CADM2: variants seen among roughly 807,000 people sequenced by gnomAD.
The protein encoded by CADM2 is cell adhesion molecule 2.
Under a neutral mutation model 49.8 loss-of-function variants are expected in CADM2, and 12 were observed. The observed-to-expected ratio is 0.24, with a 90% confidence interval of 0.15 to 0.39. CADM2 has a LOEUF of 0.39. Among genes scored for constraint, CADM2 ranks in the 10% least tolerant of loss-of-function variants. The pLI, the probability that CADM2 is intolerant of heterozygous loss-of-function variation, is 1.00. For synonymous variants in CADM2, 214 were observed against 175.4 expected (o/e 1.22, Z -1.74); for missense variants, 378 against 492.3 (o/e 0.77, Z 2.20).
At chr3:85,531,488 G>A (rs116741838) in intron 1 of CADM2, among the ~76,000 whole-genome samples, 178 of 152,272 alleles carry the variant, frequency 1.2e-3, no homozygotes, top group African/African-American at 4.0e-3. Flanking sequence ...TTAAAAAAGT[G>A]TAAAATAATA....
chr3:85,295,784 G>C (rs1386393099), intron 1 of CADM2, among the ~76,000 whole-genome samples: 1 of 152,038 alleles, frequency 6.6e-6, no homozygotes, highest in Non-Finnish European at 1.5e-5. Context: ...TTGTGGGGTT[G>C]GGGGAGAGGG....
chr3:85,333,834 G>A (rs2045004342), intron 1 of CADM2, among the ~76,000 whole-genome samples: 1 of 151,626 alleles, frequency 6.6e-6, no homozygotes, highest in African/African-American at 2.4e-5. Flanking sequence ...ATAGTAATGT[G>A]TGACAAATAC....
intron 8 of CADM2, among the ~76,000 whole-genome samples, chr3:85,968,006 A>G (rs1207244967): frequency 4.0e-5 from 6 of 151,582 alleles, no homozygotes; most frequent in Non-Finnish European, 1.5e-5. Flanking sequence ...CATTTTTCTT[A>G]GAAGCATAGA....
At chr3:85,250,930 G>A (rs1409605378) in intron 1 of CADM2, among the ~76,000 whole-genome samples, 1 of 151,718 alleles carries the variant, frequency 6.6e-6, no homozygotes, top group Non-Finnish European at 1.5e-5. Flanking sequence ...GATGTATGGT[G>A]AGTTTCTTAT....
intron 1 of CADM2, among the ~76,000 whole-genome samples, chr3:85,299,885 G>A (rs2044052293): frequency 6.6e-6 from 1 of 152,038 alleles, no homozygotes; most frequent in Non-Finnish European, 1.5e-5. Context: ...GGTAAACCCT[G>A]AGGTAAAAGT....
rs369951346 is a variant in CADM2 at position 85,293,038 on chromosome 3, G to A, written c.61+333370G>A. The stretch of plus-strand genomic sequence containing the variant: ...AAAGGATCAACAAAATTGATAGACC[G>A]CTAGCAAGACTAAGAGAAAAAAAGA... On this transcript the variant is annotated intron_variant, in intron 1 of 9. Coordinates refer to ENST00000383699, the MANE Select transcript of CADM2 (RefSeq NM_001167675.2). 1.4e-4 allele frequency among the ~76,000 whole-genome samples: 21 copies of A among 152,100 alleles called. No homozygotes were observed. In the East Asian group the frequency reaches 3.3e-3, roughly 24 times the overall value.
chr3:85,521,859 C>G (rs1350202721), intron 1 of CADM2, among the ~76,000 whole-genome samples: 17 of 151,958 alleles, frequency 1.1e-4, no homozygotes, highest in Non-Finnish European at 2.5e-4. Context: ...TGGTGATACT[C>G]AGTAGCTGAA....
At position 86,068,365 on chromosome 3, in the gene CADM2, G is replaced by A. The variant is rs1284755278; in HGVS notation, c.*1582G>A. ...CTCATTAAATTTATTATATGCTAAA[G>A]AATAAAACTCCAGTTAGATTTAAAA... On this transcript the variant is annotated 3_prime_UTR_variant, in exon 10 of 10. Transcript: ENST00000383699. 1.3e-5 allele frequency: 2 copies of A among 151,892 alleles called. No homozygotes were observed. Among genetic ancestry groups the A allele is most frequent in the South Asian group, 2.1e-4 (1 of 4,816 alleles). The allele number at this position is 151,892 out of a possible 1,614,324, so 9.4% of individuals were successfully genotyped here.
intron 1 of CADM2, among the ~76,000 whole-genome samples, chr3:85,065,272 A>G (rs1255976943): frequency 6.6e-6 from 1 of 152,032 alleles, no homozygotes; most frequent in Non-Finnish European, 1.5e-5. Context: ...TTGACTCTAT[A>G]TTTTCTTAAA....
At chr3:85,242,080 T>A (rs948452070) in intron 1 of CADM2, among the ~76,000 whole-genome samples, 2 of 150,796 alleles carry the variant, frequency 1.3e-5, no homozygotes, top group East Asian at 3.9e-4. Flanking sequence ...TTTTTTTATA[T>A]ATATAAGATT....
intron 1 of CADM2, among the ~76,000 whole-genome samples, chr3:85,347,608 AAAATATATATACATATATAT>A (rs1194687217): frequency 4.2e-5 from 4 of 95,860 alleles, no homozygotes; most frequent in African/African-American, 1.3e-4. Context: ...CATATATATA[AAAATATATATACATATATAT>A]AAATATATAT....
intron 5 of CADM2, among the ~76,000 whole-genome samples, chr3:85,908,254 C>CTTTCTTTTTTT (rs1377803079): frequency 1.5e-5 from 1 of 65,776 alleles, no homozygotes; most frequent in Non-Finnish European, 3.1e-5. Flanking sequence ...TTTTTTTCTT[C>CTTTCTTTTTTT]TTTTTTTTTT....
chr3:85,745,995 T>C (rs1364795035), intron 2 of CADM2, among the ~76,000 whole-genome samples: 2 of 152,158 alleles, frequency 1.3e-5, no homozygotes, highest in African/African-American at 2.4e-5. Flanking sequence ...ACAACACTTA[T>C]GGTCAACCAG....
At chr3:85,921,727 T>G (rs1394747440) in intron 6 of CADM2, among the ~76,000 whole-genome samples, 1 of 151,918 alleles carries the variant, frequency 6.6e-6, no homozygotes, top group African/African-American at 2.4e-5. Flanking sequence ...GGTTTTGACA[T>G]GTGTATAATG....
Position 84,991,691 on chromosome 3 carries a change from G to A in CADM2, c.61+32023G>A, listed in dbSNP as rs560083356. Among the ~76,000 whole-genome samples, 15 of 152,280 alleles carry A rather than the reference G, an allele frequency of 9.9e-5. 1 individual carries two copies. The highest frequency in any genetic ancestry group is 4.1e-4 in the South Asian group (2 of 4,826). On this transcript the variant is annotated intron_variant, in intron 1 of 9. Coordinates refer to ENST00000383699, the MANE Select transcript of CADM2 (RefSeq NM_001167675.2). ...GCTGAAAACATGTCCACAAAGAAAC[G>A]TGCACATGGATGTTTATAGCAGTTT...
At chr3:85,898,243 TGA>T (rs1448597960) in intron 5 of CADM2, among the ~76,000 whole-genome samples, 1 of 152,102 alleles carries the variant, frequency 6.6e-6, no homozygotes, top group Non-Finnish European at 1.5e-5. Flanking sequence ...CAGAAATCAT[TGA>T]GAGTCTTTAC....
intron 6 of CADM2, among the ~76,000 whole-genome samples, chr3:85,925,089 C>G (rs1166262049): frequency 5.3e-5 from 8 of 152,060 alleles, no homozygotes; most frequent in Admixed American, 3.3e-4. Flanking sequence ...TGTGTTTTCT[C>G]TGAATTATTT....
intron 1 of CADM2, among the ~76,000 whole-genome samples, chr3:85,549,918 C>T (rs950814957): frequency 1.9e-4 from 29 of 151,996 alleles, no homozygotes; most frequent in Middle Eastern, 3.4e-3. Flanking sequence ...AGACATGACT[C>T]ACCACCTAAA....
intron 3 of CADM2, among the ~76,000 whole-genome samples, chr3:85,869,362 A>G (rs920795826): frequency 3.3e-5 from 5 of 152,010 alleles, no homozygotes; most frequent in African/African-American, 1.2e-4. Flanking sequence ...ATTCATTTTT[A>G]GCAGGAAGGT....
Sources: allele counts gnomAD v4.1 joint callset (sites outside exome capture counted in the v4.1 genomes callset), GRCh38; gene constraint gnomAD v4.1.1; transcripts MANE v1.5; gene names NCBI Gene and HGNC (gene_info 2026-07-23, HGNC 2026-07-21).